The following LRRC4C variants were observed in gnomAD, a reference collection of about 807,000 sequenced individuals.
The protein encoded by LRRC4C is leucine-rich repeat-containing protein 4C.
LRRC4C carries 5 observed loss-of-function variants against 33.6 expected under a neutral mutation model. That is an observed-to-expected ratio of 0.15 (90% CI 0.08 to 0.31). The LOEUF (loss-of-function observed/expected upper bound fraction) is 0.31, where lower values mean the gene tolerates loss of function less well. LRRC4C is among the 10% of genes least tolerant of loss of function. The pLI is 1.00. For synonymous variants in LRRC4C, 329 were observed against 302.0 expected, an observed-to-expected ratio of 1.09 and a Z score of -0.93; for missense variants, 560 against 796.7, an observed-to-expected ratio of 0.70 and a Z score of 3.58.
At chr11:40,677,626 A>G (rs1436069494) in intron 2 of LRRC4C, among the ~76,000 whole-genome samples, 1 of 152,030 alleles carries the variant, frequency 6.6e-6, no homozygotes, top group Non-Finnish European at 1.5e-5. Flanking sequence ...ATTATTGCTG[A>G]CTCCAGAATC....
rs1415587754 is a variant in LRRC4C, at chr11:40,984,387, GAA to G, written c.-495-50666_-495-50665del. On this transcript the variant is annotated intron_variant, in intron 1 of 6. Coordinates refer to ENST00000528697, the MANE Select transcript of LRRC4C (RefSeq NM_001258419.2). ...AAAAAGAAAGAAAGAAAGAAAGAAA[GAA>G]AGAAAGAAAGAAAGAAAGAAAGAAA... Among the ~76,000 whole-genome samples the G allele has an allele frequency of 1.5e-3, 111 of 76,334 alleles. 1 individual carries two copies. Among genetic ancestry groups the G allele is most frequent in the African/African-American group, 5.4e-3 (103 of 19,216 alleles). 50.1% of individuals were successfully genotyped at this position (76,334 alleles called of 152,430 possible). A position where few individuals can be genotyped will look rare whatever the true frequency, so the allele number is the denominator to read the frequency against.
At chr11:40,845,343 C>T (rs529712156) in intron 2 of LRRC4C, among the ~76,000 whole-genome samples, 1 of 152,152 alleles carries the variant, frequency 6.6e-6, no homozygotes, top group South Asian at 2.1e-4. Context: ...GTGTGATGCT[C>T]CCCTCCCAGT....
At chr11:41,024,747 C>A (rs1856222916) in intron 1 of LRRC4C, among the ~76,000 whole-genome samples, 2 of 151,634 alleles carry the variant, frequency 1.3e-5, no homozygotes, top group African/African-American at 4.8e-5. Flanking sequence ...AGACATATCT[C>A]ATTTTATAAC....
intron 1 of LRRC4C, among the ~76,000 whole-genome samples, chr11:41,159,923 T>C (rs189538706): frequency 6.6e-6 from 1 of 152,186 alleles, no homozygotes; most frequent in East Asian, 1.9e-4. Context: ...TTAAAAAGAA[T>C]GATGTGCTTT....
chr11:40,357,128 T>C (rs910803218), intron 3 of LRRC4C, among the ~76,000 whole-genome samples: 8 of 152,254 alleles, frequency 5.3e-5, no homozygotes, highest in African/African-American at 1.7e-4. Context: ...AAATTTTAGG[T>C]TAATACTGAC....
intron 1 of LRRC4C, among the ~76,000 whole-genome samples, chr11:41,301,691 G>T (rs927431609): frequency 6.6e-6 from 1 of 151,940 alleles, no homozygotes; most frequent in Non-Finnish European, 1.5e-5. Flanking sequence ...ATCTTTTTAT[G>T]ACTTTCATGA....
intron 2 of LRRC4C, among the ~76,000 whole-genome samples, chr11:40,930,253 G>A (rs1312197474): frequency 2.0e-5 from 3 of 152,076 alleles, no homozygotes; most frequent in African/African-American, 7.2e-5. Context: ...AGTCTGAGAT[G>A]AACACACAAA....
intron 1 of LRRC4C, among the ~76,000 whole-genome samples, chr11:41,164,058 A>C (rs2136048966): frequency 6.6e-6 from 1 of 152,312 alleles, no homozygotes; most frequent in African/African-American, 2.4e-5. Flanking sequence ...AATCACCTCA[A>C]ACATTTATCA....
chr11:41,287,785 A>G (rs1281952577), intron 1 of LRRC4C, among the ~76,000 whole-genome samples: 2 of 152,184 alleles, frequency 1.3e-5, no homozygotes, highest in Non-Finnish European at 2.9e-5. Context: ...GCTTTCCCTG[A>G]TTTAATAAGC....
intron 1 of LRRC4C, among the ~76,000 whole-genome samples, chr11:41,124,916 C>T (rs1942663332): frequency 6.6e-6 from 1 of 152,114 alleles, no homozygotes; most frequent in Non-Finnish European, 1.5e-5. Context: ...AGAGAGTCAG[C>T]ATCCCAGGGC....
At chr11:41,304,938 T>C (rs866201016) in intron 1 of LRRC4C, among the ~76,000 whole-genome samples, 948 of 87,416 alleles carry the variant, frequency 0.011, 52 homozygotes, top group Admixed American at 0.043. Flanking sequence ...GCCCACCTGC[T>C]GGGCCAGCCG....
At chr11:41,390,188 G>A (rs1245398727) in intron 1 of LRRC4C, among the ~76,000 whole-genome samples, 2 of 151,878 alleles carry the variant, frequency 1.3e-5, no homozygotes, top group East Asian at 1.9e-4. Flanking sequence ...AACCTGATCT[G>A]CTCTTATCTC....
chr11:40,562,442 C>T (rs538455280), intron 3 of LRRC4C, among the ~76,000 whole-genome samples: 1 of 152,190 alleles, frequency 6.6e-6, no homozygotes, highest in African/African-American at 2.4e-5. Flanking sequence ...ATAGGTCATT[C>T]ATCATGCTGT....
intron 1 of LRRC4C, among the ~76,000 whole-genome samples, chr11:41,108,954 A>G (rs1477759651): frequency 1.3e-5 from 2 of 152,152 alleles, no homozygotes; most frequent in African/African-American, 4.8e-5. Flanking sequence ...GCAAATTCAG[A>G]GCACATTGGT....
At chr11:40,824,339 C>A (rs1048337400) in intron 2 of LRRC4C, among the ~76,000 whole-genome samples, 1 of 151,212 alleles carries the variant, frequency 6.6e-6, no homozygotes, top group Admixed American at 6.6e-5. Context: ...GGATAAAATT[C>A]AAAAATTTTA....
intron 4 of LRRC4C, among the ~76,000 whole-genome samples, chr11:40,306,713 AC>A (rs2136708375): frequency 6.6e-6 from 1 of 152,324 alleles, no homozygotes; most frequent in African/African-American, 2.4e-5. Context: ...CTTCATGTGC[AC>A]TGTCATTTCA....
chr11:40,592,322 C>T (rs1288905161), intron 3 of LRRC4C, among the ~76,000 whole-genome samples: 1 of 152,162 alleles, frequency 6.6e-6, no homozygotes, highest in Admixed American at 6.5e-5. Context: ...ATGCTGTGAG[C>T]ATCATAATCA....
At chr11:40,586,607 G>C (rs891739322) in intron 3 of LRRC4C, among the ~76,000 whole-genome samples, 26 of 148,810 alleles carry the variant, frequency 1.7e-4, no homozygotes, top group Non-Finnish European at 3.6e-4. Context: ...TATGGTTTTA[G>C]GTCTAACATT....
At chr11:40,381,280 T>A (rs1289709840) in intron 3 of LRRC4C, among the ~76,000 whole-genome samples, 1 of 149,498 alleles carries the variant, frequency 6.7e-6, no homozygotes, top group African/African-American at 2.5e-5. Flanking sequence ...AACGGTGGGG[T>A]CAATCTGAGG....
Sources: allele counts gnomAD v4.1 joint callset (sites outside exome capture counted in the v4.1 genomes callset), GRCh38; gene constraint gnomAD v4.1.1; transcripts MANE v1.5; gene names NCBI Gene and HGNC (gene_info 2026-07-23, HGNC 2026-07-21).